MYF6: variants seen among roughly 807,000 people sequenced by gnomAD.
MYF6 encodes myogenic factor 6, also known as class C basic helix-loop-helix protein 4.
A neutral mutation model predicts 21.7 loss-of-function variants in MYF6; 20 were observed. The observed-to-expected ratio is 0.92, with a 90% CI of 0.65 to 1.34. The LOEUF is 1.34. MYF6 is among the 40% of genes most tolerant of loss of function. The pLI is 0.00. For synonymous variants in MYF6, 124 were observed against 124.7 expected (o/e 0.99, Z 0.04); for missense variants, 320 against 304.1 (o/e 1.05, Z -0.39).
Position 80,707,737 on chromosome 12 carries a change from T to G in MYF6, c.18T>G (p.Phe6Leu), listed in dbSNP as rs1207527018. The G allele has an allele frequency of 6.2e-7, 1 of 1,614,094 alleles. No homozygotes were observed. Among genetic ancestry groups the G allele is most frequent in the Non-Finnish European group, 8.5e-7 (1 of 1,180,052 alleles). ...AGGAGAACATGATGATGGACCTTTT[T>G]GAAACTGGCTCCTATTTCTTCTACT... is the stretch of plus-strand genomic sequence containing the variant. The part of the protein sequence containing the change: MMMDL[F>L]ETGSYFFYLD... The change falls in exon 1 of 3, where the codon TTT becomes TTG. Residue 6 changes from phenylalanine to leucine, a missense_variant. Coordinates refer to ENST00000228641, the MANE Select transcript of MYF6 (RefSeq NM_002469.3).
intron 2 of MYF6, 87 bp downstream of exon 2, chr12:80,708,701 G>A (rs1868418158): frequency 1.3e-6 from 2 of 1,533,804 alleles, no homozygotes; most frequent in Admixed American, 1.7e-5. Flanking sequence ...AGCGAGAGCA[G>A]GGACGCGCCC....
chr12:80,707,941 C>A lies in MYF6; in HGVS notation c.222C>A (p.Pro74=), dbSNP rs1355789333. 3.7e-6 allele frequency: 6 copies of A among 1,614,032 alleles called. No individual in the cohort carries two copies. The highest frequency in any genetic ancestry group is 1.7e-5 in the Admixed American group (1 of 60,000). Residue 74 remains proline (P), a synonymous_variant, in exon 1 of 3, where the codon CCC becomes CCA. Transcript: ENST00000228641. ...APPGLQPPHC[P]GQCLIWACKT... ...CGGGCCTGCAGCCTCCACACTGCCCCGGCCAGTGTCTGATCTGGGCTTGCA... is the reference window on the plus strand; with the variant it reads ...CGGGCCTGCAGCCTCCACACTGCCCAGGCCAGTGTCTGATCTGGGCTTGCA...
At position 80,708,876 on chromosome 12, in the gene MYF6, C is replaced by G. The variant is rs757639492; in HGVS notation, c.645C>G (p.Ser215Arg). ...GASIDSSASS[S>R]LRCLSSIVDS... is the part of the protein sequence containing the mutation. ...GTATTGATTCGTCAGCCTCGAGTAG[C>G]CTTCGATGCCTTTCTTCCATCGTGG... is the stretch of plus-strand genomic sequence containing the variant. Residue 215 changes from serine (S) to arginine (R), a missense_variant, in exon 3 of 3, where the codon AGC becomes AGG. By Grantham distance (110) the Ser-to-Arg change is moderately radical (BLOSUM62 -1). Coordinates refer to ENST00000228641, the MANE Select transcript of MYF6 (RefSeq NM_002469.3). 1 of 1,614,096 alleles carries G rather than the reference C, an allele frequency of 6.2e-7. No individual in the cohort carries two copies. The highest frequency in any genetic ancestry group is 1.3e-5 in the African/African-American group (1 of 74,938).
rs959597886 is a variant in MYF6, at chr12:80,708,322, C to CT, written c.519+90dup. 8 of 1,532,874 alleles carry CT rather than the reference C, an allele frequency of 5.2e-6. No homozygotes were observed. The African/African-American group carries it at 8.2e-5, about 16-fold the overall frequency. The allele number at this position is 1,532,874 out of a possible 1,614,324, so 95.0% of individuals were successfully genotyped here. A position where few individuals can be genotyped will look rare whatever the true frequency, so the allele number is the denominator to read the frequency against. On this transcript the variant is annotated intron_variant, in intron 1 of 2. Coordinates refer to ENST00000228641, the MANE Select transcript of MYF6 (RefSeq NM_002469.3). ...GGGCCTTAACCTCCAGCTGCTTGGT[C>CT]TTTTTTCCCTTCCCCCTTTCTCGCC...
chr12:80,707,782 T>C lies in MYF6; in HGVS notation c.63T>C (p.Thr21=). ...TCTACTTGGATGGGGAAAATGTTAC[T>C]CTGCAGCCATTAGAAGTGGCAGAAG... is the stretch of plus-strand genomic sequence containing the variant. The part of the protein sequence containing the change: ...YFFYLDGENV[T]LQPLEVAEGS... Residue 21 remains threonine, a synonymous_variant, in exon 1 of 3, where the codon ACT becomes ACC. Coordinates refer to ENST00000228641, the MANE Select transcript of MYF6 (RefSeq NM_002469.3). 6.2e-7 allele frequency: 1 copy of C among 1,614,126 alleles called. No individual in the cohort carries two copies. The highest frequency in any genetic ancestry group is 8.5e-7 in the Non-Finnish European group (1 of 1,180,008).
chr12:80,708,275 G>A, intron 1 of MYF6, 37 bp downstream of exon 1: 1 of 1,594,206 alleles, frequency 6.3e-7, no homozygotes, highest in Non-Finnish European at 8.5e-7. Flanking sequence ...GAAATGCGAA[G>A]GCTGATTAAA....
In MYF6 at chr12:80,708,871, A is replaced by C. The variant is rs777471992; in HGVS notation, c.640A>C (p.Ser214Arg). ...AGCAAGTATTGATTCGTCAGCCTCG[A>C]GTAGCCTTCGATGCCTTTCTTCCAT... is the stretch of plus-strand genomic sequence containing the variant. ...GGASIDSSASSSLRCLSSIVD... is the reference protein window; with the variant it reads ...GGASIDSSASRSLRCLSSIVD... The change falls in exon 3 of 3, where the codon AGT (serine) becomes CGT (arginine). Residue 214 changes from serine to arginine, a missense_variant. By Grantham distance (110) the Ser-to-Arg change is moderately radical. Transcript: ENST00000228641. 6.2e-7 allele frequency: 1 copy of C among 1,614,224 alleles called. No homozygotes were observed. Among genetic ancestry groups the C allele is most frequent in the Middle Eastern group, 1.6e-4 (1 of 6,062 alleles).
intron 2 of MYF6, 87 bp from the exon 3 acceptor site, chr12:80,708,755 C>T: frequency 6.5e-7 from 1 of 1,531,572 alleles, no homozygotes; most frequent in Non-Finnish European, 9.0e-7. Flanking sequence ...GGCCTTTCCT[C>T]GCTGCCAAAG....
intron 2 of MYF6, 73 bp from the exon 3 acceptor site, chr12:80,708,769 C>A: frequency 6.4e-7 from 1 of 1,558,436 alleles, no homozygotes; most frequent in Non-Finnish European, 8.9e-7. Context: ...GCCAAAGCGG[C>A]CTCGCGCGGG....
intron 2 of MYF6, 27 bp from the exon 3 acceptor site, chr12:80,708,815 A>C: frequency 6.3e-7 from 1 of 1,590,144 alleles, no homozygotes; most frequent in South Asian, 1.1e-5. Flanking sequence ...TTTGGGTGCT[A>C]TGTTTGTGTG....
Position 80,708,596 on chromosome 12 carries a change from G to C in MYF6, c.592G>C (p.Val198Leu), listed in dbSNP as rs766494259. The C allele has an allele frequency of 3.1e-6, 5 of 1,614,156 alleles. No homozygotes were observed. Among genetic ancestry groups the C allele is most frequent in the Admixed American group, 1.7e-5 (1 of 60,038 alleles). Residue 198 changes from valine (V) to leucine (L), a missense_variant, in exon 2 of 3, where the codon GTG becomes CTG. Physicochemically the swap from Val to Leu is conservative, Grantham distance 32. Transcript: ENST00000228641. The part of the protein sequence containing the change: ...PSVSDHSRGL[V>L]ITAKEGGASI... ...TGTTTCCGATCATTCCAGGGGGCTCGTGATAACGGCTAAGGAAGGTAAAGT... is the reference window on the plus strand; with the variant it reads ...TGTTTCCGATCATTCCAGGGGGCTCCTGATAACGGCTAAGGAAGGTAAAGT...
Position 80,708,612 on chromosome 12 carries a change from A to T in MYF6, c.608A>T (p.Glu203Val). 1 of 1,613,970 alleles carries T rather than the reference A, an allele frequency of 6.2e-7. No homozygotes were observed. Among genetic ancestry groups the T allele is most frequent in the Non-Finnish European group, 8.5e-7 (1 of 1,179,864 alleles). Residue 203 changes from glutamate (E) to valine (V), a missense_variant and splice_region_variant, in exon 2 of 3, where the codon GAA becomes GTA. By Grantham distance (121) the Glu-to-Val change is moderately radical. Transcript: ENST00000228641. ...AGGGGGCTCGTGATAACGGCTAAGG[A>T]AGGTAAAGTAAAAGGGCTCTGGGCC... ...HSRGLVITAKEGGASIDSSAS... is the reference protein window; with the variant it reads ...HSRGLVITAKVGGASIDSSAS...
At position 80,708,259 on chromosome 12, in the gene MYF6, G is replaced by A. The variant is rs533918225; in HGVS notation, c.519+21G>A. 1.9e-5 allele frequency: 30 copies of A among 1,602,430 alleles called. No individual in the cohort carries two copies. In the East Asian group the frequency reaches 5.8e-4, roughly 31 times the overall value. ...AAAATGTAAGCCTAGATGCTGCCGG[G>A]GCAGGGAAATGCGAAGGCTGATTAA... On this transcript the variant is annotated intron_variant, in intron 1 of 2. Coordinates refer to ENST00000228641, the MANE Select transcript of MYF6 (RefSeq NM_002469.3).
chr12:80,708,696 G>A (rs1171199420), intron 2 of MYF6, 82 bp downstream of exon 2: 2 of 1,531,534 alleles, frequency 1.3e-6, no homozygotes, highest in South Asian at 1.1e-5. Flanking sequence ...CTCGAAGCGA[G>A]AGCAGGGACG....
At position 80,708,143 on chromosome 12, in the gene MYF6, G is replaced by A; in HGVS notation, c.424G>A (p.Glu142Lys). The change falls in exon 1 of 3, where the codon GAG becomes AAG. Residue 142 changes from glutamate (E) to lysine (K), a missense_variant. By Grantham distance (56) the Glu-to-Lys change is moderately conservative. Transcript: ENST00000228641. ...EILRSAISYI[E>K]RLQDLLHRLD... ...TCTGCGGAGCGCCATCAGCTATATT[G>A]AGCGGCTGCAGGACCTGCTGCACCG... 1 of 1,614,156 alleles carries A rather than the reference G, an allele frequency of 6.2e-7. No individual in the cohort carries two copies. The highest frequency in any genetic ancestry group is 8.5e-7 in the Non-Finnish European group (1 of 1,180,034).
At position 80,708,587 on chromosome 12, in the gene MYF6, A is replaced by G; in HGVS notation, c.583A>G (p.Arg195Gly). ...SQWPSVSDHS[R>G]GLVITAKEGG... ...GTGGCCAAGTGTTTCCGATCATTCC[A>G]GGGGGCTCGTGATAACGGCTAAGGA... The change falls in exon 2 of 3, where the codon AGG (arginine) becomes GGG (glycine). Residue 195 changes from arginine to glycine, a missense_variant. Coordinates refer to ENST00000228641, the MANE Select transcript of MYF6 (RefSeq NM_002469.3). 6.2e-7 allele frequency: 1 copy of G among 1,613,984 alleles called. No homozygotes were observed.
chr12:80,708,250 T>A lies in MYF6; in HGVS notation c.519+12T>A, dbSNP rs762154834. On this transcript the variant is annotated intron_variant, in intron 1 of 2. Transcript: ENST00000228641. ...CCAAACAAGAAAATGTAAGCCTAGA[T>A]GCTGCCGGGGCAGGGAAATGCGAAG... 6.2e-7 allele frequency: 1 copy of A among 1,606,188 alleles called. No individual in the cohort carries two copies. The highest frequency in any genetic ancestry group is 1.1e-5 in the South Asian group (1 of 90,730).
rs753280057 is a variant in MYF6, at chr12:80,707,864, C to G, written c.145C>G (p.Pro49Ala). The change falls in exon 1 of 3, where the codon CCC becomes GCC. Residue 49 changes from proline (P) to alanine (A), a missense_variant. Coordinates refer to ENST00000228641, the MANE Select transcript of MYF6 (RefSeq NM_002469.3). ...GTLSPCQDQM[P>A]PEAGSDSSGE... ...CTTGTCCCCCTGCCAGGACCAAATGCCCCCGGAAGCGGGGAGCGACAGCAG... is the reference window on the plus strand; with the variant it reads ...CTTGTCCCCCTGCCAGGACCAAATGGCCCCGGAAGCGGGGAGCGACAGCAG... The G allele has an allele frequency of 2.5e-6, 4 of 1,614,064 alleles. No homozygotes were observed. The highest frequency in any genetic ancestry group is 3.4e-6 in the Non-Finnish European group (4 of 1,180,044).
At position 80,708,596 on chromosome 12, in the gene MYF6, G is replaced by A. The variant is rs766494259; in HGVS notation, c.592G>A (p.Val198Met). The change falls in exon 2 of 3, where the codon GTG becomes ATG. Residue 198 changes from valine to methionine, a missense_variant. Val to Met is a conservative substitution (Grantham distance 21). Transcript: ENST00000228641. ...TGTTTCCGATCATTCCAGGGGGCTC[G>A]TGATAACGGCTAAGGAAGGTAAAGT... is the stretch of plus-strand genomic sequence containing the variant. ...PSVSDHSRGL[V>M]ITAKEGGASI... is the part of the protein sequence containing the mutation. 9 of 1,614,038 alleles carry A rather than the reference G, an allele frequency of 5.6e-6. No individual in the cohort carries two copies. Among genetic ancestry groups the A allele is most frequent in the African/African-American group, 4.0e-5 (3 of 74,928 alleles).
Sources: allele counts gnomAD v4.1 joint callset, GRCh38; gene constraint gnomAD v4.1.1; transcripts MANE v1.5; gene names NCBI Gene and HGNC (gene_info 2026-07-23, HGNC 2026-07-21).